RB1CC1: variants seen among roughly 807,000 people sequenced by gnomAD.
The protein encoded by RB1CC1 is RB1-inducible coiled-coil protein 1.
RB1CC1 carries 46 observed loss-of-function variants against 177.5 expected under a neutral mutation model. The ratio of observed to expected loss-of-function variants is 0.26; its 90% CI spans 0.20 to 0.33. RB1CC1 has a LOEUF of 0.33. Among genes scored for constraint, RB1CC1 ranks in the 10% least tolerant of loss-of-function variants. The probability of loss-of-function intolerance (pLI) is 1.00; values close to 1 mark genes in which losing one functional copy is unlikely to be tolerated. For missense variants in RB1CC1, 1,703 were observed against 1,816.3 expected, an observed-to-expected ratio of 0.94 and a Z score of 1.13; for synonymous variants, 666 against 613.6, an observed-to-expected ratio of 1.09 and a Z score of -1.26.
intron 15 of RB1CC1, among the ~76,000 whole-genome samples, chr8:52,646,570 A>G (rs1411310355): frequency 6.6e-6 from 1 of 152,240 alleles, no homozygotes. Context: ...AATTTCCATA[A>G]AATAGTCTTT....
chr8:52,703,328 T>G (rs1856257927), intron 1 of RB1CC1, among the ~76,000 whole-genome samples: 1 of 152,192 alleles, frequency 6.6e-6, no homozygotes, highest in South Asian at 2.1e-4. Context: ...CCATCTCAGA[T>G]GACACCACCA....
chr8:52,625,731 T>C (rs949778083), intron 22 of RB1CC1, among the ~76,000 whole-genome samples: 12 of 152,188 alleles, frequency 7.9e-5, no homozygotes, highest in Non-Finnish European at 1.8e-4. Context: ...ATGTAATTTA[T>C]TGAATACTAA....
chr8:52,640,603 T>G (rs1477082691), intron 18 of RB1CC1, among the ~76,000 whole-genome samples: 1 of 152,302 alleles, frequency 6.6e-6, no homozygotes, highest in East Asian at 1.9e-4. Flanking sequence ...ACTTTCTGTA[T>G]CATTTGGCTC....
intron 1 of RB1CC1, among the ~76,000 whole-genome samples, chr8:52,708,238 C>T (rs554750244): frequency 1.3e-5 from 2 of 152,290 alleles, no homozygotes; most frequent in South Asian, 2.1e-4. Context: ...AAAGTATTGC[C>T]GGGCACACTG....
Position 52,674,028 on chromosome 8 carries a change from T to G in RB1CC1, c.819A>C (p.Glu273Asp), listed in dbSNP as rs745702062. 3.1e-6 allele frequency: 5 copies of G among 1,614,196 alleles called. No individual in the cohort carries two copies. The East Asian group carries it at 8.9e-5, about 29-fold the overall frequency. ...AAGATTCCCTAATTTCTTTGCCACT[T>G]TCAGCATCTGCGGTATCTGGGGACA... The part of the protein sequence containing the change: ...EHVSPDTADA[E>D]SGKEIRESCQ... The change falls in exon 7 of 24, where the codon GAA becomes GAC. Residue 273 changes from glutamate to aspartate, a missense_variant. Coordinates refer to ENST00000025008, the MANE Select transcript of RB1CC1 (RefSeq NM_014781.5).
intron 11 of RB1CC1, 43 bp downstream of exon 11, chr8:52,660,883 T>C: frequency 6.5e-7 from 1 of 1,527,010 alleles, no homozygotes. Context: ...ATAAAAACTT[T>C]TATCCTTTAC....
At chr8:52,626,172 C>T (rs116813942) in intron 22 of RB1CC1, among the ~76,000 whole-genome samples, 6 of 152,158 alleles carry the variant, frequency 3.9e-5, no homozygotes, top group Admixed American at 6.5e-5. Context: ...TCTGGTAATC[C>T]GCACTCTCCC....
intron 6 of RB1CC1, among the ~76,000 whole-genome samples, chr8:52,674,933 T>G (rs2150559907): frequency 6.6e-6 from 1 of 152,282 alleles, no homozygotes; most frequent in South Asian, 2.1e-4. Context: ...ATCAAATATA[T>G]TTGATATATT....
intron 1 of RB1CC1, among the ~76,000 whole-genome samples, chr8:52,694,438 CAT>C (rs1254808725): frequency 6.6e-6 from 1 of 152,210 alleles, no homozygotes; most frequent in Non-Finnish European, 1.5e-5. Context: ...ACATGCCCAC[CAT>C]CCTGGATGGC....
intron 1 of RB1CC1, among the ~76,000 whole-genome samples, chr8:52,696,665 A>C (rs537147986): frequency 6.6e-6 from 1 of 152,164 alleles, no homozygotes; most frequent in African/African-American, 2.4e-5. Flanking sequence ...CATGATAAAA[A>C]CTTAAAAAGC....
intron 7 of RB1CC1, among the ~76,000 whole-genome samples, chr8:52,670,423 A>G (rs1189038488): frequency 2.0e-5 from 3 of 152,186 alleles, no homozygotes. Context: ...GGCATCTACA[A>G]AGGCTAACAT....
chr8:52,645,503 A>G (rs113247357), intron 16 of RB1CC1, among the ~76,000 whole-genome samples, 199 bp downstream of exon 16: 1,824 of 152,296 alleles, frequency 0.012, 43 homozygotes, highest in African/African-American at 0.042. Context: ...GAAAAATATT[A>G]TTCTCCAGAT....
In RB1CC1 at chr8:52,660,595, C is replaced by T; in HGVS notation, c.1689+1G>A. ...GTCATGGTTAGAAAATAAATACATA[C>T]ACAAAAGGAAGGGGGCCAGGAGTCC... On this transcript the variant is annotated splice_donor_variant, in intron 12 of 23. Transcript: ENST00000025008. LOFTEE classifies it high-confidence loss of function. 1 of 1,583,006 alleles carries T rather than the reference C, an allele frequency of 6.3e-7. No individual in the cohort carries two copies. Among genetic ancestry groups the T allele is most frequent in the Admixed American group, 1.9e-5 (1 of 52,544 alleles).
At position 52,689,407 on chromosome 8, in the gene RB1CC1, C is replaced by G. The variant is rs147111798; in HGVS notation, c.-166-2440G>C. On this transcript the variant is annotated intron_variant, in intron 1 of 23. Transcript: ENST00000025008. The stretch of plus-strand genomic sequence containing the variant: ...CCCTGTTTTCAACCTGCACTGATTT[C>G]CTCAATCACTAGTCCGTCAACCTCC... Among the ~76,000 whole-genome samples the G allele has an allele frequency of 3.8e-3, 584 of 152,274 alleles. 4 individuals are homozygous for G. Among genetic ancestry groups the G allele is most frequent in the African/African-American group, 0.012 (513 of 41,548 alleles).
chr8:52,672,747 A>G (rs2150549775), intron 7 of RB1CC1, among the ~76,000 whole-genome samples: 1 of 152,328 alleles, frequency 6.6e-6, no homozygotes, highest in East Asian at 1.9e-4. Flanking sequence ...CCTAACTCAA[A>G]AAACAAAACA....
rs759648848 is a variant in RB1CC1, at chr8:52,657,804, A to T, written c.2025T>A (p.Thr675=). 3.7e-6 allele frequency: 6 copies of T among 1,613,520 alleles called. No individual in the cohort carries two copies. Among genetic ancestry groups the T allele is most frequent in the Non-Finnish European group, 5.1e-6 (6 of 1,179,862 alleles). ...TTSPRTPPPL[T]VQDPLCPAVC... Reference sequence around the variant, plus strand: ...CTGCAGGACATAAGGGATCCTGAACAGTCAGTGGTGGAGGAGTTCTCGGTG... The same window carrying T: ...CTGCAGGACATAAGGGATCCTGAACTGTCAGTGGTGGAGGAGTTCTCGGTG... Residue 675 remains threonine, a synonymous_variant, in exon 15 of 24, where the codon ACT becomes ACA. Transcript: ENST00000025008.
chr8:52,692,687 CATATT>C (rs1474969503), intron 1 of RB1CC1, among the ~76,000 whole-genome samples: 2 of 152,150 alleles, frequency 1.3e-5, no homozygotes, highest in Admixed American at 1.3e-4. Context: ...ATGTAGTAAG[CATATT>C]CTATGACTTG....
intron 7 of RB1CC1, among the ~76,000 whole-genome samples, chr8:52,670,487 T>G (rs538263466): frequency 2.6e-4 from 39 of 152,304 alleles, no homozygotes; most frequent in Middle Eastern, 3.4e-3. Context: ...CTCTCTATTC[T>G]TAAGCCTCTG....
At chr8:52,695,678 C>T (rs767041894) in intron 1 of RB1CC1, among the ~76,000 whole-genome samples, 15 of 152,206 alleles carry the variant, frequency 9.9e-5, no homozygotes, top group South Asian at 2.1e-4. Context: ...TATACTGTCA[C>T]GCGTTGTGGC....
Sources: allele counts gnomAD v4.1 joint callset (sites outside exome capture counted in the v4.1 genomes callset), GRCh38; gene constraint gnomAD v4.1.1; transcripts MANE v1.5; gene names NCBI Gene and HGNC (gene_info 2026-07-23, HGNC 2026-07-21).